B4GALNT2: variants seen among roughly 807,000 people sequenced by gnomAD.
B4GALNT2 encodes the protein N-acetylneuraminylgalactosylglucosyl-glucoside beta-1,4-N- acetylgalactosaminyltransferase 2.
B4GALNT2 carries 42 observed loss-of-function variants against 51.1 expected under a neutral mutation model. That is an observed-to-expected ratio of 0.82 (90% CI 0.64 to 1.06). B4GALNT2 has a LOEUF of 1.06. Among genes scored for constraint, B4GALNT2 ranks in the 50% least tolerant of loss-of-function variants. The pLI, the probability that B4GALNT2 is intolerant of heterozygous loss-of-function variation, is 0.00. For synonymous variants in B4GALNT2, 253 were observed against 251.7 expected (o/e 1.01, Z -0.05); for missense variants, 602 against 633.6 (o/e 0.95, Z 0.54).
At chr17:49,133,281 G>T (rs2042558169) in intron 1 of B4GALNT2, 4 of 1,434,228 alleles carry the variant, frequency 2.8e-6, no homozygotes, top group African/African-American at 1.5e-5. Flanking sequence ...CCGGCGGCTT[G>T]GTCTCCTCCA....
At position 49,152,898 on chromosome 17, in the gene B4GALNT2, C is replaced by T; in HGVS notation, c.452C>T (p.Pro151Leu). The T allele has an allele frequency of 6.2e-7, 1 of 1,608,658 alleles. No individual in the cohort carries two copies. The highest frequency in any genetic ancestry group is 8.5e-7 in the Non-Finnish European group (1 of 1,177,036). ...GVEVMPLHTVPIPGLQFEGPD... is the reference protein window; with the variant it reads ...GVEVMPLHTVLIPGLQFEGPD... ...GAGGTGATGCCCCTGCACACGGTTC[C>T]CATCCCAGGTAAGTACATCCACATA... Residue 151 changes from proline to leucine, a missense_variant, in exon 4 of 11, where the codon CCC (proline) becomes CTC (leucine). By Grantham distance (98) the Pro-to-Leu change is moderately conservative (BLOSUM62 -3). Transcript: ENST00000393354.
Position 49,170,874 on chromosome 17 carries a change from G to A in B4GALNT2, c.*1146G>A, listed in dbSNP as rs921197326. 1.3e-5 allele frequency: 2 copies of A among 152,364 alleles called. No individual in the cohort carries two copies. The highest frequency in any genetic ancestry group is 6.5e-5 in the Admixed American group (1 of 15,310). The allele number at this position is 152,364 out of a possible 1,614,324, so 9.4% of individuals were successfully genotyped here. On this transcript the variant is annotated 3_prime_UTR_variant, in exon 11 of 11. Transcript: ENST00000393354. Reference sequence around the variant, plus strand: ...AAAGTATTCCTTACAGGAAACAAAGGGATGGGCCGAAACAAAGGGATGGGC... The same window carrying A: ...AAAGTATTCCTTACAGGAAACAAAGAGATGGGCCGAAACAAAGGGATGGGC...
At chr17:49,166,279 C>T in intron 9 of B4GALNT2, 25 bp downstream of exon 9, 1 of 1,607,700 alleles carries the variant, frequency 6.2e-7, no homozygotes, top group Non-Finnish European at 8.5e-7. Context: ...CCAGTTTCAC[C>T]CAGCCACAAT....
At chr17:49,135,128 AT>A (rs942659169) in intron 1 of B4GALNT2, among the ~76,000 whole-genome samples, 14 of 151,050 alleles carry the variant, frequency 9.3e-5, no homozygotes, top group East Asian at 7.9e-4. Context: ...AAATGTATTT[AT>A]TTTTCTGGGT....
chr17:49,140,948 A>G (rs1410185942), intron 1 of B4GALNT2, among the ~76,000 whole-genome samples: 2 of 149,952 alleles, frequency 1.3e-5, no homozygotes, highest in African/African-American at 4.9e-5. Flanking sequence ...TGATTTCTTG[A>G]CCGCGTGATC....
chr17:49,168,787 A>G lies in B4GALNT2; in HGVS notation c.1202A>G (p.Asp401Gly), dbSNP rs1376497987. 1 of 1,614,046 alleles carries G rather than the reference A, an allele frequency of 6.2e-7. No homozygotes were observed. The highest frequency in any genetic ancestry group is 8.5e-7 in the Non-Finnish European group (1 of 1,180,026). Residue 401 changes from aspartate (D) to glycine (G), a missense_variant, in exon 10 of 11, where the codon GAT (aspartate) becomes GGT (glycine). By Grantham distance (94) the Asp-to-Gly change is moderately conservative. Transcript: ENST00000393354. ...AGGATGGGATTTTTCCAACCCCTGGATGGCTTCCCCAGCTGCGTGGTGACC... is the reference window on the plus strand; with the variant it reads ...AGGATGGGATTTTTCCAACCCCTGGGTGGCTTCCCCAGCTGCGTGGTGACC... ...HKRMGFFQPL[D>G]GFPSCVVTSG...
At chr17:49,158,880 C>A (rs1242961269) in intron 5 of B4GALNT2, among the ~76,000 whole-genome samples, 157 bp from the exon 6 acceptor site, 1 of 152,172 alleles carries the variant, frequency 6.6e-6, no homozygotes, top group Non-Finnish European at 1.5e-5. Context: ...CAGTGACTCC[C>A]TGCAGAGCCA....
At chr17:49,159,293 C>A in intron 6 of B4GALNT2, 76 bp downstream of exon 6, 1 of 1,409,238 alleles carries the variant, frequency 7.1e-7, no homozygotes, top group Non-Finnish European at 9.8e-7. Context: ...AGTCTTCCTC[C>A]TTCAGGAAGC....
At position 49,169,652 on chromosome 17, in the gene B4GALNT2, G is replaced by A. The variant is rs146256204; in HGVS notation, c.1445G>A (p.Arg482Gln). 1.1e-4 allele frequency: 170 copies of A among 1,611,120 alleles called. No homozygotes were observed. Among genetic ancestry groups the A allele is most frequent in the East Asian group, 9.4e-4 (42 of 44,796 alleles). Residue 482 changes from arginine to glutamine, a missense_variant, in exon 11 of 11, where the codon CGG (arginine) becomes CAG (glutamine). Physicochemically the swap from Arg to Gln is conservative, Grantham distance 43. Transcript: ENST00000393354. ...CTAGAGAAGACCTACAATACATACC[G>A]GTCCAACACCCTCACCCGGGTCCAG... ...AALEKTYNTY[R>Q]SNTLTRVQFK...
chr17:49,158,436 C>T (rs2042829647), intron 5 of B4GALNT2, among the ~76,000 whole-genome samples: 1 of 152,032 alleles, frequency 6.6e-6, no homozygotes. Context: ...GAGTTTGAGA[C>T]CAGCCTGGCA....
At chr17:49,125,000 C>G in the B4GALNT2 span, among the ~76,000 whole-genome samples, 1 of 152,146 alleles carries the variant, frequency 6.6e-6, no homozygotes, top group Non-Finnish European at 1.5e-5. Flanking sequence ...AATTCTTTAA[C>G]CTTTTAATCT....
At chr17:49,122,410 G>A in the B4GALNT2 span, among the ~76,000 whole-genome samples, 1 of 152,210 alleles carries the variant, frequency 6.6e-6, no homozygotes, top group Non-Finnish European at 1.5e-5. Context: ...GACTGTAGGA[G>A]TAATGTCGTC....
At chr17:49,155,546 G>A (rs1402897052) in intron 4 of B4GALNT2, among the ~76,000 whole-genome samples, 1 of 150,404 alleles carries the variant, frequency 6.6e-6, no homozygotes, top group African/African-American at 2.4e-5. Context: ...AGGTTACAGA[G>A]AGTTGAGATT....
chr17:49,159,142 C>G lies in B4GALNT2; in HGVS notation c.604C>G (p.Arg202Gly). The change falls in exon 6 of 11, where the codon CGG becomes GGG. Residue 202 changes from arginine (R) to glycine (G), a missense_variant. Coordinates refer to ENST00000393354, the MANE Select transcript of B4GALNT2 (RefSeq NM_001159387.2). ...QKQLIISTSD[R>G]KLLKFILQHV... ...GCAGCTGATCATTTCTACCAGTGAC[C>G]GGAAGCTGTTGAAGTTCATTCTTCA... 2 of 1,614,154 alleles carry G rather than the reference C, an allele frequency of 1.2e-6. No individual in the cohort carries two copies. The highest frequency in any genetic ancestry group is 1.7e-6 in the Non-Finnish European group (2 of 1,180,026).
chr17:49,153,133 C>T (rs1331130735), intron 4 of B4GALNT2, among the ~76,000 whole-genome samples: 2 of 151,284 alleles, frequency 1.3e-5, no homozygotes, highest in African/African-American at 2.4e-5. Flanking sequence ...TAAAAGGGGC[C>T]GGGTGCTGTG....
At chr17:49,124,496 C>T in the B4GALNT2 span, among the ~76,000 whole-genome samples, 1 of 152,142 alleles carries the variant, frequency 6.6e-6, no homozygotes, top group South Asian at 2.1e-4. Context: ...TTTAACATAA[C>T]AATTATAATT....
intron 1 of B4GALNT2, among the ~76,000 whole-genome samples, chr17:49,140,197 T>C (rs886087469): frequency 1.3e-5 from 2 of 151,668 alleles, no homozygotes; most frequent in Non-Finnish European, 2.9e-5. Context: ...GCCTCCCAGG[T>C]TCACACCATT....
In B4GALNT2 at chr17:49,160,452, C is replaced by A. The variant is rs1161763325; in HGVS notation, c.680-103C>A. On this transcript the variant is annotated intron_variant, in intron 6 of 10. Coordinates refer to ENST00000393354, the MANE Select transcript of B4GALNT2 (RefSeq NM_001159387.2). Reference sequence around the variant, plus strand: ...TGATCTCATCCCAACCAGGACTCTCCCCACCAAACCTGTACTCGCCTGTCA... The same window carrying A: ...TGATCTCATCCCAACCAGGACTCTCACCACCAAACCTGTACTCGCCTGTCA... 8.3e-6 allele frequency: 9 copies of A among 1,082,560 alleles called. No individual in the cohort carries two copies. In the East Asian group the frequency reaches 1.9e-4, roughly 23 times the overall value. The allele number at this position is 1,082,560 out of a possible 1,614,324, so 67.1% of individuals were successfully genotyped here.
chr17:49,167,088 C>T (rs1158400566), intron 9 of B4GALNT2, among the ~76,000 whole-genome samples: 1 of 152,170 alleles, frequency 6.6e-6, no homozygotes, highest in Non-Finnish European at 1.5e-5. Flanking sequence ...GGACAATCCC[C>T]AAAACACCTA....
Sources: allele counts gnomAD v4.1 joint callset (sites outside exome capture counted in the v4.1 genomes callset), GRCh38; gene constraint gnomAD v4.1.1; transcripts MANE v1.5; gene names NCBI Gene and HGNC (gene_info 2026-07-23, HGNC 2026-07-21).